The following NAAA variants were observed in gnomAD, a reference collection of about 807,000 sequenced individuals.
NAAA encodes the protein N-acylethanolamine acid amidase, also known as N-acylethanolamine-hydrolyzing acid amidase.
Under a neutral mutation model 44.8 loss-of-function variants are expected in NAAA, and 39 were observed. The ratio of observed to expected loss-of-function variants is 0.87; its 90% CI spans 0.67 to 1.14. NAAA has a LOEUF of 1.14. Ranked by LOEUF, NAAA falls within the 50% of genes most tolerant of loss-of-function variation. The pLI, the probability that NAAA is intolerant of heterozygous loss-of-function variation, is 0.00. For synonymous variants in NAAA, 178 were observed against 191.3 expected (o/e 0.93, Z 0.58); for missense variants, 460 against 467.8 (o/e 0.98, Z 0.15).
rs1221049757 is a variant in NAAA, at chr4:75,940,864, G to T, written c.86C>A (p.Ser29Ter). The stretch of plus-strand genomic sequence containing the variant: ...GTTGAAGCGCGGCGCTGCTGGGGGC[G>T]AGGCGGCTGACAGCCCGGCCCCGGC... Reference protein sequence around the residue: ...LLAGAGLSAASPPAAPRFNVS... With the variant: ...LLAGAGLSAA The change falls in exon 1 of 11, where the codon TCG becomes TAG. Residue 29 changes from serine to a stop codon, truncating the protein, a stop_gained. Transcript: ENST00000286733. LOFTEE classifies it high-confidence loss of function. 6.3e-7 allele frequency: 1 copy of T among 1,576,508 alleles called. No individual in the cohort carries two copies. Among genetic ancestry groups the T allele is most frequent in the Admixed American group, 1.7e-5 (1 of 57,890 alleles).
At position 75,937,621 on chromosome 4, in the gene NAAA, G is replaced by T. The variant is rs536218261; in HGVS notation, c.372-1386C>A. 3.8e-4 allele frequency among the ~76,000 whole-genome samples: 58 copies of T among 152,302 alleles called. 2 individuals are homozygous for T. Among genetic ancestry groups the T allele is most frequent in the Admixed American group, 3.6e-3 (55 of 15,300 alleles). The stretch of plus-strand genomic sequence containing the variant: ...CCACTTCAGCCTCCTGAGTATCTGG[G>T]ACCACAGGCGCAAGCCTCCACATCC... On this transcript the variant is annotated intron_variant, in intron 2 of 10. Coordinates refer to ENST00000286733, the MANE Select transcript of NAAA (RefSeq NM_014435.4).
At chr4:75,911,213 A>C (rs1325155971), downstream of NAAA, 1 of 450,996 alleles carries the variant, frequency 2.2e-6, no homozygotes, top group East Asian at 6.5e-5. Context: ...CAGTTAAGGC[A>C]GGAACTGGCT....
Position 75,921,009 on chromosome 4 carries a change from T to C in NAAA, c.781A>G (p.Ile261Val). The change falls in exon 6 of 11, where the codon ATC (isoleucine) becomes GTC (valine). Residue 261 changes from isoleucine (I) to valine (V), a missense_variant. Coordinates refer to ENST00000286733, the MANE Select transcript of NAAA (RefSeq NM_014435.4). ...GGTSPREGVV[I>V]TRNRDGPADI... is the part of the protein sequence containing the mutation. ...GCTGGGCCATCTCTGTTCCTCGTGATGACCACCCCCTCCCGGGGGGACGTG... is the reference window on the plus strand; with the variant it reads ...GCTGGGCCATCTCTGTTCCTCGTGACGACCACCCCCTCCCGGGGGGACGTG... 6.2e-7 allele frequency: 1 copy of C among 1,611,532 alleles called. No individual in the cohort carries two copies. The highest frequency in any genetic ancestry group is 1.1e-5 in the South Asian group (1 of 90,502).
chr4:75,935,808 G>A (rs980885372), intron 3 of NAAA: 4 of 438,116 alleles, frequency 9.1e-6, no homozygotes, highest in Non-Finnish European at 1.6e-5. Flanking sequence ...GCCTGGGCAT[G>A]GGAAAGCAGA....
chr4:75,937,377 C>A (rs759984328), intron 2 of NAAA, among the ~76,000 whole-genome samples: 31 of 152,170 alleles, frequency 2.0e-4, no homozygotes, highest in Non-Finnish European at 4.0e-4. Flanking sequence ...CAAGATCGTG[C>A]CACTACACTC....
chr4:75,930,381 C>T, intron 4 of NAAA: 1 of 475,984 alleles, frequency 2.1e-6, no homozygotes, highest in South Asian at 1.6e-5. Context: ...AACTTCCTCT[C>T]CCACTACTAG....
chr4:75,930,570 A>T (rs1727140620), intron 4 of NAAA: 11 of 484,136 alleles, frequency 2.3e-5, no homozygotes, highest in South Asian at 1.5e-4. Context: ...TATCCCCTAG[A>T]TTATCACAGT....
chr4:75,925,835 A>T, intron 4 of NAAA, 24 bp from the exon 5 acceptor site: 1 of 1,605,068 alleles, frequency 6.2e-7, no homozygotes, highest in Non-Finnish European at 8.5e-7. Context: ...TATATATGTT[A>T]TATATGTGTG....
rs1374604189 is a variant in NAAA, at chr4:75,925,759, A to G, written c.642T>C (p.Ile214=). 1.9e-6 allele frequency: 3 copies of G among 1,614,216 alleles called. No homozygotes were observed. Among genetic ancestry groups the G allele is most frequent in the Middle Eastern group, 1.6e-4 (1 of 6,062 alleles). Residue 214 remains isoleucine, a synonymous_variant, in exon 5 of 11, where the codon ATT becomes ATC. Transcript: ENST00000286733. ...NAIAALFRRH[I]PVSWLIRATL... Reference sequence around the variant, plus strand: ...CAGCGCGGATCAGCCAGCTGACGGGAATGTGTCTCCGAAACAGGGCAGCGA... The same window carrying G: ...CAGCGCGGATCAGCCAGCTGACGGGGATGTGTCTCCGAAACAGGGCAGCGA...
chr4:75,920,491 CTGG>C (rs1726043414), intron 7 of NAAA, among the ~76,000 whole-genome samples: 1 of 152,178 alleles, frequency 6.6e-6, no homozygotes, highest in Admixed American at 6.5e-5. Flanking sequence ...ACTAGCAGAG[CTGG>C]TGGTGGGCTC....
chr4:75,920,502 C>A (rs2149250908), intron 7 of NAAA, among the ~76,000 whole-genome samples: 1 of 152,268 alleles, frequency 6.6e-6, no homozygotes, highest in East Asian at 1.9e-4. Flanking sequence ...TGGTGGTGGG[C>A]TCTAGGGCTC....
intron 4 of NAAA, among the ~76,000 whole-genome samples, chr4:75,930,990 C>T (rs1226535749): frequency 6.6e-6 from 1 of 152,160 alleles, no homozygotes; most frequent in East Asian, 1.9e-4. Context: ...CCCACCTCCT[C>T]CTTCACTCTC....
intron 3 of NAAA, among the ~76,000 whole-genome samples, chr4:75,933,630 T>G (rs1727436767): frequency 6.6e-6 from 1 of 152,190 alleles, no homozygotes; most frequent in South Asian, 2.1e-4. Flanking sequence ...ATATAATTTG[T>G]AAGATATTTT....
chr4:75,914,376 T>A, intron 10 of NAAA, 38 bp from the exon 11 acceptor site: 1 of 884,820 alleles, frequency 1.1e-6, no homozygotes, highest in Non-Finnish European at 1.4e-6. Flanking sequence ...ATTCAAAGAC[T>A]GATTTTTTTT....
chr4:75,936,585 T>C (rs1458140020), intron 2 of NAAA, among the ~76,000 whole-genome samples: 2 of 152,254 alleles, frequency 1.3e-5, no homozygotes, highest in East Asian at 1.9e-4. Flanking sequence ...TTCCTCTGCA[T>C]GGCAGCATGT....
At chr4:75,915,611 C>G (rs1725561522) in intron 9 of NAAA, among the ~76,000 whole-genome samples, 1 of 152,242 alleles carries the variant, frequency 6.6e-6, no homozygotes, top group African/African-American at 2.4e-5. Context: ...GCTGTTCAGG[C>G]TGAGAATTAC....
At chr4:75,934,419 G>A (rs568979253) in intron 3 of NAAA, among the ~76,000 whole-genome samples, 138 of 151,324 alleles carry the variant, frequency 9.1e-4, no homozygotes, top group Non-Finnish European at 1.6e-3. Context: ...AGGTTCAAGC[G>A]ATTCCCCTGC....
intron 3 of NAAA, chr4:75,934,782 A>C (rs1476408401): frequency 6.6e-6 from 1 of 152,200 alleles, no homozygotes; most frequent in Non-Finnish European, 1.5e-5. Flanking sequence ...AGTAACAGTC[A>C]CCTGAGTACT....
intron 2 of NAAA, among the ~76,000 whole-genome samples, chr4:75,939,088 G>A (rs1479730311): frequency 1.3e-5 from 2 of 151,854 alleles, no homozygotes; most frequent in Non-Finnish European, 2.9e-5. Context: ...CCTGACCTCA[G>A]GTGATTCACC....
Sources: allele counts gnomAD v4.1 joint callset (sites outside exome capture counted in the v4.1 genomes callset), GRCh38; gene constraint gnomAD v4.1.1; transcripts MANE v1.5; gene names NCBI Gene and HGNC (gene_info 2026-07-23, HGNC 2026-07-21).